CADM2: variants seen among roughly 807,000 people sequenced by gnomAD.
CADM2 encodes the protein immunoglobulin superfamily member 4D.
CADM2 carries 12 observed loss-of-function variants against 49.8 expected under a neutral mutation model. That is an observed-to-expected ratio of 0.24 (90% CI 0.15 to 0.39). The LOEUF (loss-of-function observed/expected upper bound fraction) is 0.39. Among genes scored for constraint, CADM2 ranks in the 10% least tolerant of loss-of-function variants. CADM2 has a pLI of 1.00. For synonymous variants in CADM2, 214 were observed against 175.4 expected, an observed-to-expected ratio of 1.22 and a Z score of -1.74; for missense variants, 378 against 492.3, an observed-to-expected ratio of 0.77 and a Z score of 2.20.
chr3:86,060,823 A>G (rs1738543938), intron 8 of CADM2, among the ~76,000 whole-genome samples: 1 of 152,006 alleles, frequency 6.6e-6, no homozygotes. Flanking sequence ...CTCTACTGAA[A>G]ATACAGAAAT....
chr3:85,591,035 G>C (rs1398559271), intron 1 of CADM2, among the ~76,000 whole-genome samples: 1 of 151,746 alleles, frequency 6.6e-6, no homozygotes. Flanking sequence ...AGGAAAATAA[G>C]AGTTTGGTCA....
intron 1 of CADM2, among the ~76,000 whole-genome samples, chr3:85,410,644 T>A (rs1448667199): frequency 2.6e-5 from 4 of 151,746 alleles, no homozygotes; most frequent in Non-Finnish European, 5.9e-5. Flanking sequence ...TTAAAAAGAG[T>A]TAAACTCCTT....
chr3:85,706,985 G>A (rs952291328), intron 1 of CADM2, among the ~76,000 whole-genome samples: 55 of 151,806 alleles, frequency 3.6e-4, no homozygotes, highest in African/African-American at 1.3e-3. Context: ...TTTAATTTTT[G>A]AGACTAGCTT....
chr3:85,951,640 A>G (rs1435559002), intron 7 of CADM2, among the ~76,000 whole-genome samples: 1 of 151,040 alleles, frequency 6.6e-6, no homozygotes, highest in African/African-American at 2.4e-5. Context: ...ATATTTCAAC[A>G]GATTGGAAAA....
At chr3:84,970,274 A>ATT (rs5850655) in intron 1 of CADM2, among the ~76,000 whole-genome samples, 8,762 of 147,112 alleles carry the variant, frequency 0.06, 311 homozygotes, top group African/African-American at 0.078. Context: ...ATTGAATTTG[A>ATT]TTTTTTTTTT....
chr3:85,318,769 T>C (rs905984227), intron 1 of CADM2, among the ~76,000 whole-genome samples: 2 of 152,200 alleles, frequency 1.3e-5, no homozygotes, highest in African/African-American at 4.8e-5. Flanking sequence ...TTGAGTTGGA[T>C]AGACCATTGT....
At chr3:85,082,809 G>A (rs1212620078) in intron 1 of CADM2, among the ~76,000 whole-genome samples, 1 of 152,104 alleles carries the variant, frequency 6.6e-6, no homozygotes, top group Non-Finnish European at 1.5e-5. Flanking sequence ...AGGCATATTT[G>A]ATGATGGGGA....
At chr3:84,984,490 G>C (rs149627510) in intron 1 of CADM2, among the ~76,000 whole-genome samples, 101 of 139,128 alleles carry the variant, frequency 7.3e-4, no homozygotes, top group African/African-American at 2.7e-3. Context: ...CCATAACCTT[G>C]TTTGAATCCT....
chr3:85,255,201 A>G (rs1365659389), intron 1 of CADM2, among the ~76,000 whole-genome samples: 2 of 151,994 alleles, frequency 1.3e-5, no homozygotes, highest in Non-Finnish European at 2.9e-5. Flanking sequence ...ACACTCCTTT[A>G]TTTCCCATAT....
intron 1 of CADM2, among the ~76,000 whole-genome samples, chr3:85,675,918 A>G (rs1207866393): frequency 6.6e-6 from 1 of 152,202 alleles, no homozygotes; most frequent in Non-Finnish European, 1.5e-5. Flanking sequence ...GCATTGGAAA[A>G]CAAAATAAAA....
Position 85,935,793 on chromosome 3 carries a change from T to C in CADM2, c.727T>C (p.Ser243Pro). 6.2e-7 allele frequency: 1 copy of C among 1,606,504 alleles called. No homozygotes were observed. Among genetic ancestry groups the C allele is most frequent in the Non-Finnish European group, 8.5e-7 (1 of 1,174,460 alleles). ...HYTPSVKIIP[S>P]TPFPQEGQPL... is the part of the protein sequence containing the mutation. ...TACACCATCAGTTAAGATTATACCA[T>C]CGACTCCTTTTCCACAAGAAGGACA... is the stretch of plus-strand genomic sequence containing the variant. Residue 243 changes from serine (S) to proline (P), a missense_variant, in exon 7 of 10, where the codon TCG becomes CCG. Physicochemically the swap from Ser to Pro is moderately conservative, Grantham distance 74 (BLOSUM62 -1). Transcript: ENST00000383699.
At position 85,408,961 on chromosome 3, in the gene CADM2, C is replaced by A. The variant is rs1434614622; in HGVS notation, c.62-317561C>A. Among the ~76,000 whole-genome samples, 5 of 152,108 alleles carry A rather than the reference C, an allele frequency of 3.3e-5. No homozygotes were observed. The East Asian group carries it at 7.7e-4, about 23-fold the overall frequency. On this transcript the variant is annotated intron_variant, in intron 1 of 9. Transcript: ENST00000383699. ...AATCTAAAAAAAAACTACATTATGG[C>A]AATTTAATGTTTGCAAGCTCTCCAG...
intron 3 of CADM2, among the ~76,000 whole-genome samples, chr3:85,860,082 C>T (rs2075465949): frequency 1.3e-5 from 2 of 151,944 alleles, no homozygotes; most frequent in African/African-American, 4.8e-5. Context: ...TATTGTGAGC[C>T]TGTGACATCT....
At chr3:85,214,861 C>T (rs1170036541) in intron 1 of CADM2, among the ~76,000 whole-genome samples, 1 of 151,994 alleles carries the variant, frequency 6.6e-6, no homozygotes, top group African/African-American at 2.4e-5. Flanking sequence ...AAGTGGGTTT[C>T]CATCTTACCC....
intron 1 of CADM2, among the ~76,000 whole-genome samples, chr3:85,550,837 G>T (rs748572554): frequency 5.3e-5 from 8 of 152,064 alleles, no homozygotes; most frequent in Non-Finnish European, 1.2e-4. Context: ...CCAGCCACAG[G>T]CCATTCAGTC....
At chr3:84,995,321 C>T (rs1328864258) in intron 1 of CADM2, among the ~76,000 whole-genome samples, 1 of 152,126 alleles carries the variant, frequency 6.6e-6, no homozygotes, top group Admixed American at 6.6e-5. Context: ...AAGCAAACCT[C>T]GTTTGCAACT....
intron 1 of CADM2, among the ~76,000 whole-genome samples, chr3:85,610,196 A>C (rs1441979389): frequency 2.6e-5 from 4 of 152,004 alleles, no homozygotes; most frequent in Admixed American, 1.3e-4. Context: ...AGAGTAAATA[A>C]AACTTTCTGA....
chr3:85,487,902 A>G (rs1035425064), intron 1 of CADM2, among the ~76,000 whole-genome samples: 1 of 152,108 alleles, frequency 6.6e-6, no homozygotes, highest in Non-Finnish European at 1.5e-5. Context: ...TCCCCACTTT[A>G]GTGAGTATAA....
intron 5 of CADM2, among the ~76,000 whole-genome samples, chr3:85,908,871 C>T (rs1021707766): frequency 6.6e-6 from 1 of 151,842 alleles, no homozygotes; most frequent in African/African-American, 2.4e-5. Flanking sequence ...ACTACAGGCA[C>T]CCGCCACCAG....
Sources: allele counts gnomAD v4.1 joint callset (sites outside exome capture counted in the v4.1 genomes callset), GRCh38; gene constraint gnomAD v4.1.1; transcripts MANE v1.5; gene names NCBI Gene and HGNC (gene_info 2026-07-23, HGNC 2026-07-21).